Variants in PLD1 observed in about 807,000 individuals in gnomAD.
PLD1 encodes phospholipase D1, also known as choline phosphatase 1.
Under a neutral mutation model 137.1 loss-of-function variants are expected in PLD1, and 112 were observed. The ratio of observed to expected loss-of-function variants is 0.82; its 90% CI spans 0.70 to 0.96. The LOEUF (loss-of-function observed/expected upper bound fraction) is 0.96. PLD1 is among the 40% of genes least tolerant of loss of function. PLD1 has a pLI of 0.00. For synonymous variants in PLD1, 431 were observed against 454.7 expected (o/e 0.95, Z 0.66); for missense variants, 1,321 against 1,342.0 (o/e 0.98, Z 0.24).
intron 11 of PLD1, among the ~76,000 whole-genome samples, chr3:171,706,676 C>G (rs1428750995): frequency 1.3e-5 from 2 of 152,188 alleles, no homozygotes; most frequent in African/African-American, 4.8e-5. Context: ...CAGATCTACG[C>G]ATACTAGTGT....
At chr3:171,685,693 T>G (rs894121532) in intron 16 of PLD1, among the ~76,000 whole-genome samples, 17 of 152,222 alleles carry the variant, frequency 1.1e-4, no homozygotes, top group Admixed American at 6.5e-4. Flanking sequence ...TCCTTCTTTA[T>G]TCCCACCACA....
intron 24 of PLD1, among the ~76,000 whole-genome samples, chr3:171,615,318 G>A (rs1733010545): frequency 6.6e-6 from 1 of 152,158 alleles, no homozygotes; most frequent in Non-Finnish European, 1.5e-5. Flanking sequence ...CATCCTTCTT[G>A]TTTATATGAC....
intron 1 of PLD1, among the ~76,000 whole-genome samples, chr3:171,794,576 A>G (rs1229793884): frequency 6.6e-6 from 1 of 152,152 alleles, no homozygotes; most frequent in African/African-American, 2.4e-5. Flanking sequence ...TGTTTTGCTA[A>G]TTGTCTAGGC....
chr3:171,772,211 C>G (rs1000450369), intron 1 of PLD1, among the ~76,000 whole-genome samples: 1 of 152,194 alleles, frequency 6.6e-6, no homozygotes, highest in African/African-American at 2.4e-5. Flanking sequence ...ACTCCAAGAA[C>G]AGTTTTAATT....
chr3:171,638,055 G>C (rs936127436), intron 23 of PLD1, among the ~76,000 whole-genome samples: 1 of 151,906 alleles, frequency 6.6e-6, no homozygotes, highest in Non-Finnish European at 1.5e-5. Context: ...TGCGGCGATG[G>C]GCGCCTGCAG....
chr3:171,665,298 C>T (rs1459177207), intron 19 of PLD1, among the ~76,000 whole-genome samples: 6 of 152,220 alleles, frequency 3.9e-5, no homozygotes, highest in African/African-American at 9.6e-5. Flanking sequence ...TGGAAGGGGA[C>T]GCCTGAAGGT....
intron 1 of PLD1, among the ~76,000 whole-genome samples, chr3:171,771,690 G>A (rs1722359898): frequency 6.6e-6 from 1 of 152,232 alleles, no homozygotes; most frequent in Admixed American, 6.5e-5. Flanking sequence ...TGTTCAAGTT[G>A]TGTGGCAGTT....
intron 23 of PLD1, among the ~76,000 whole-genome samples, chr3:171,639,098 C>T (rs1419129881): frequency 6.7e-6 from 1 of 150,174 alleles, no homozygotes; most frequent in Non-Finnish European, 1.5e-5. Context: ...AATTCTCAGC[C>T]TCCGTAATTA....
At chr3:171,656,565 C>T (rs866500912) in intron 21 of PLD1, among the ~76,000 whole-genome samples, 1 of 152,260 alleles carries the variant, frequency 6.6e-6, no homozygotes, top group Admixed American at 6.5e-5. Flanking sequence ...AAAAACACAT[C>T]TTTGGAACAG....
intron 19 of PLD1, among the ~76,000 whole-genome samples, chr3:171,670,882 A>G (rs1459654299): frequency 2.0e-5 from 3 of 152,240 alleles, no homozygotes; most frequent in Non-Finnish European, 4.4e-5. Flanking sequence ...TGTGGTGGCC[A>G]TTTGAGTTTT....
In PLD1 at chr3:171,674,563, C is replaced by T. The variant is rs370927640; in HGVS notation, c.2166G>A (p.Lys722=). Residue 722 remains lysine, a synonymous_variant, in exon 19 of 27, where the codon AAG becomes AAA. Coordinates refer to ENST00000351298, the MANE Select transcript of PLD1 (RefSeq NM_002662.5). ...TCAACTCATGGGCTGTTGTTTGAGA[C>T]TTTGGAAGCAGAAAAGGATAAGAAA... The part of the protein sequence containing the change: ...RSLSYPFLLP[K]SQTTAHELRY... The T allele has an allele frequency of 6.2e-7, 1 of 1,611,262 alleles. No homozygotes were observed. The highest frequency in any genetic ancestry group is 8.5e-7 in the Non-Finnish European group (1 of 1,177,824).
chr3:171,743,881 A>G (rs1018445394), intron 1 of PLD1, among the ~76,000 whole-genome samples: 11 of 152,170 alleles, frequency 7.2e-5, no homozygotes, highest in Admixed American at 3.9e-4. Flanking sequence ...CACCCACTCA[A>G]TACGTTTGTT....
At chr3:171,743,512 C>T (rs1275469396) in intron 1 of PLD1, among the ~76,000 whole-genome samples, 1 of 152,216 alleles carries the variant, frequency 6.6e-6, no homozygotes, top group Non-Finnish European at 1.5e-5. Context: ...TTCCTGGCCT[C>T]ATCCAACCTG....
chr3:171,658,019 A>G (rs757522722), intron 21 of PLD1, among the ~76,000 whole-genome samples: 6 of 152,174 alleles, frequency 3.9e-5, no homozygotes, highest in Non-Finnish European at 8.8e-5. Flanking sequence ...ACATTTCTCC[A>G]TAGATAATAC....
chr3:171,689,038 A>C (rs1714865977), intron 13 of PLD1, among the ~76,000 whole-genome samples, 162 bp from the exon 14 acceptor site: 1 of 151,884 alleles, frequency 6.6e-6, no homozygotes, highest in South Asian at 2.1e-4. Flanking sequence ...AGCATTTAGC[A>C]AAAAGAAAAA....
intron 16 of PLD1, among the ~76,000 whole-genome samples, chr3:171,681,226 C>T (rs548218325): frequency 7.2e-5 from 11 of 152,164 alleles, no homozygotes; most frequent in Non-Finnish European, 1.6e-4. Flanking sequence ...TTATTGATCC[C>T]ACTTGGTGTT....
intron 4 of PLD1, 125 bp downstream of exon 4, chr3:171,735,367 C>T (rs1216911767): frequency 6.3e-6 from 5 of 788,156 alleles, no homozygotes; most frequent in African/African-American, 1.7e-5. Flanking sequence ...AACTCATGAC[C>T]TCAACTGATC....
chr3:171,687,279 AG>A (rs1051207875), intron 15 of PLD1, 91 bp downstream of exon 15: 1 of 1,049,318 alleles, frequency 9.5e-7, no homozygotes, highest in Non-Finnish European at 1.5e-6. Flanking sequence ...ACTCCATTAC[AG>A]AAAGACAGAT....
chr3:171,786,510 C>T lies in PLD1; in HGVS notation c.-32+23889G>A, dbSNP rs535227104. 1.3e-4 allele frequency among the ~76,000 whole-genome samples: 20 copies of T among 152,190 alleles called. No individual in the cohort carries two copies. The South Asian group carries it at 3.9e-3, about 30-fold the overall frequency. ...GCTGTCTAAGCAGATACTTGGATATCCAAAGTATTAGAATTATTCTAATCT... is the reference window on the plus strand; with the variant it reads ...GCTGTCTAAGCAGATACTTGGATATTCAAAGTATTAGAATTATTCTAATCT... On this transcript the variant is annotated intron_variant, in intron 1 of 26. Transcript: ENST00000351298.
Sources: allele counts gnomAD v4.1 joint callset (sites outside exome capture counted in the v4.1 genomes callset), GRCh38; gene constraint gnomAD v4.1.1; transcripts MANE v1.5; gene names NCBI Gene and HGNC (gene_info 2026-07-23, HGNC 2026-07-21).